Variants in VPS13B observed in about 807,000 individuals in gnomAD.
The protein encoded by VPS13B is intermembrane lipid transfer protein VPS13B.
Under a neutral mutation model 426.4 loss-of-function variants are expected in VPS13B, and 285 were observed. The observed-to-expected ratio is 0.67, with a 90% CI of 0.61 to 0.74. The LOEUF is 0.74. VPS13B is among the 30% of genes least tolerant of loss of function. The pLI is 0.00. For synonymous variants in VPS13B, 1,676 were observed against 1,676.4 expected (o/e 1.00, Z 0.01); for missense variants, 4,537 against 4,782.6 (o/e 0.95, Z 1.51).
rs1588038825 is a variant in VPS13B, at chr8:99,103,007, ATAAT to A, written c.468_471del (p.Asn157SerfsTer3). 6.2e-7 allele frequency: 1 copy of A among 1,612,700 alleles called. No homozygotes were observed. Among genetic ancestry groups the A allele is most frequent in the Non-Finnish European group, 8.5e-7 (1 of 1,178,800 alleles). ...GTAAATAATGTAAACATTGTGATAA[ATAAT>A]CTCATACTAAAATATGTTGAAGATG... On this transcript the variant is annotated frameshift_variant, in exon 5 of 62. Transcript: ENST00000357162. LOFTEE classifies it high-confidence loss of function.
chr8:99,699,919 A>T lies in VPS13B; in HGVS notation c.6441A>T (p.Thr2147=). The change falls in exon 36 of 62, where the codon ACA becomes ACT. Residue 2147 remains threonine (T), a synonymous_variant. Transcript: ENST00000357162. The part of the protein sequence containing the change: ...NLNGSLSVKA[T]QKVPGIILGS... Reference sequence around the variant, plus strand: ...ATGGAAGCCTTAGTGTCAAGGCAACACAAAAAGTACCTGGTAAGTCACAGA... The same window carrying T: ...ATGGAAGCCTTAGTGTCAAGGCAACTCAAAAAGTACCTGGTAAGTCACAGA... The T allele has an allele frequency of 6.2e-7, 1 of 1,613,992 alleles. No homozygotes were observed. Among genetic ancestry groups the T allele is most frequent in the Non-Finnish European group, 8.5e-7 (1 of 1,179,986 alleles).
intron 33 of VPS13B, among the ~76,000 whole-genome samples, chr8:99,606,140 G>A (rs1222148640): frequency 4.6e-5 from 7 of 151,944 alleles, no homozygotes; most frequent in Admixed American, 2.0e-4. Context: ...TCCTGGGCTC[G>A]AGTGATCCAC....
Position 99,391,543 on chromosome 8 carries a change from T to A in VPS13B, c.2935-14T>A. 1 of 1,614,184 alleles carries A rather than the reference T, an allele frequency of 6.2e-7. No homozygotes were observed. Among genetic ancestry groups the A allele is most frequent in the East Asian group, 2.2e-5 (1 of 44,870 alleles). On this transcript the variant is annotated splice_polypyrimidine_tract_variant and intron_variant, in intron 20 of 61. Coordinates refer to ENST00000357162, the MANE Select transcript of VPS13B (RefSeq NM_152564.5). The stretch of plus-strand genomic sequence containing the variant: ...ACTAAAAACTAAAAAGGTTTTCATT[T>A]TGTCTCTTTCCAGCAGCCTGTGGTA...
chr8:99,612,058 T>C (rs1827865635), intron 33 of VPS13B, among the ~76,000 whole-genome samples: 1 of 152,150 alleles, frequency 6.6e-6, no homozygotes, highest in South Asian at 2.1e-4. Context: ...AAATTTTAAG[T>C]TATTTTCCAA....
chr8:99,237,609 A>C (rs1816709002), intron 17 of VPS13B, among the ~76,000 whole-genome samples: 1 of 152,172 alleles, frequency 6.6e-6, no homozygotes, highest in Non-Finnish European at 1.5e-5. Flanking sequence ...GTTTTTGGAT[A>C]ATAGGCTATA....
chr8:99,267,502 G>T (rs1265842442), intron 17 of VPS13B, among the ~76,000 whole-genome samples: 1 of 152,116 alleles, frequency 6.6e-6, no homozygotes, highest in Admixed American at 6.5e-5. Context: ...GGCTGAGGTG[G>T]GAAGATCAAA....
chr8:99,606,073 A>AT (rs938417933), intron 33 of VPS13B, among the ~76,000 whole-genome samples: 19 of 148,512 alleles, frequency 1.3e-4, no homozygotes, highest in East Asian at 3.9e-4. Context: ...TTTTTGTATT[A>AT]TTTTTTTTTT....
At chr8:99,066,039 A>G (rs200847136) in intron 3 of VPS13B, among the ~76,000 whole-genome samples, 1 of 152,236 alleles carries the variant, frequency 6.6e-6, no homozygotes, top group Non-Finnish European at 1.5e-5. Context: ...ATGCTCATGG[A>G]TAGGAAGAAT....
At chr8:99,325,190 G>C (rs3103710) in intron 19 of VPS13B, among the ~76,000 whole-genome samples, 35 of 152,230 alleles carry the variant, frequency 2.3e-4, no homozygotes, top group African/African-American at 8.4e-4. Flanking sequence ...GGTTCAAGCA[G>C]TTCTCTCACC....
intron 50 of VPS13B, among the ~76,000 whole-genome samples, chr8:99,822,091 ATAAC>A (rs1173670488): frequency 1.3e-5 from 2 of 152,256 alleles, no homozygotes; most frequent in Non-Finnish European, 2.9e-5. Context: ...GCTGAATAAT[ATAAC>A]TAATCACATT....
intron 2 of VPS13B, among the ~76,000 whole-genome samples, chr8:99,036,563 G>T (rs865939820): frequency 3.3e-5 from 5 of 152,100 alleles, no homozygotes; most frequent in Middle Eastern, 3.4e-3. Flanking sequence ...CTTGCTTATA[G>T]TCAGATCATA....
At position 99,854,214 on chromosome 8, in the gene VPS13B, G is replaced by T. The variant is rs769606496; in HGVS notation, c.10825G>T (p.Ala3609Ser). Residue 3609 changes from alanine to serine, a missense_variant, in exon 56 of 62, where the codon GCC (alanine) becomes TCC (serine). Transcript: ENST00000357162. Reference sequence around the variant, plus strand: ...CACCACTGCGAGGCAGCTTGTGCACGCCCTGGCAATGCACTATGCCGCTGG... The same window carrying T: ...CACCACTGCGAGGCAGCTTGTGCACTCCCTGGCAATGCACTATGCCGCTGG... ...IFTTARQLVH[A>S]LAMHYAAGAL... is the part of the protein sequence containing the mutation. The T allele has an allele frequency of 1.9e-6, 3 of 1,613,962 alleles. No individual in the cohort carries two copies. In the African/African-American group the frequency reaches 4.0e-5, roughly 22 times the overall value.
chr8:99,819,779 G>A (rs1814261815), intron 48 of VPS13B, 142 bp from the exon 49 acceptor site: 3 of 1,275,832 alleles, frequency 2.4e-6, no homozygotes, highest in South Asian at 1.3e-5. Context: ...GCTTTCTCCT[G>A]CATGCAAATT....
intron 29 of VPS13B, among the ~76,000 whole-genome samples, chr8:99,516,908 A>G (rs1822113292): frequency 6.6e-6 from 1 of 152,020 alleles, no homozygotes; most frequent in African/African-American, 2.4e-5. Flanking sequence ...TAAAAATATC[A>G]CAGAGCAATC....
chr8:99,847,229 G>A (rs1816030504), intron 54 of VPS13B, among the ~76,000 whole-genome samples: 1 of 152,126 alleles, frequency 6.6e-6, no homozygotes, highest in Admixed American at 6.6e-5. Context: ...CAGTCCATTT[G>A]GGAAACGTGT....
At chr8:99,816,487 A>C (rs1814048315) in intron 44 of VPS13B, among the ~76,000 whole-genome samples, 2 of 152,158 alleles carry the variant, frequency 1.3e-5, no homozygotes, top group Non-Finnish European at 2.9e-5. Flanking sequence ...TAGTGGATAA[A>C]TCTGTGTGTT....
chr8:99,433,085 T>G (rs1343802722), intron 22 of VPS13B, among the ~76,000 whole-genome samples: 1 of 152,200 alleles, frequency 6.6e-6, no homozygotes, highest in Non-Finnish European at 1.5e-5. Context: ...TCAGGAAACA[T>G]TTGGGTACTC....
At position 99,610,600 on chromosome 8, in the gene VPS13B, TA is replaced by T. The variant is rs1317372683; in HGVS notation, c.5221-31210del. 1.7e-3 allele frequency among the ~76,000 whole-genome samples: 255 copies of T among 149,764 alleles called. 1 individual carries two copies. Among genetic ancestry groups the T allele is most frequent in the African/African-American group, 6.1e-3 (249 of 40,610 alleles). ...CAGGGCCTGTCAGGGGGTGGGGGGC[TA>T]GGGGAGGGATAGCATTAGGAGAAAT... On this transcript the variant is annotated intron_variant, in intron 33 of 61. Coordinates refer to ENST00000357162, the MANE Select transcript of VPS13B (RefSeq NM_152564.5).
At chr8:99,687,571 A>G (rs1196822541) in intron 35 of VPS13B, among the ~76,000 whole-genome samples, 2 of 151,942 alleles carry the variant, frequency 1.3e-5, no homozygotes, top group Non-Finnish European at 2.9e-5. Flanking sequence ...TGTGGGTACC[A>G]GCTGAGCTCT....
Sources: gnomAD v4.1 joint callset for allele counts (sites outside exome capture counted in the v4.1 genomes callset) on GRCh38, gnomAD v4.1.1 for gene constraint, MANE v1.5 for transcripts, NCBI Gene and HGNC (gene_info 2026-07-23, HGNC 2026-07-21) for gene names.